Variants in RABL6 observed in about 807,000 individuals in gnomAD.
The protein encoded by RABL6 is RAB, member RAS oncogene family like 6, also known as rab-like protein 6.
RABL6 carries 28 observed loss-of-function variants against 72.9 expected under a neutral mutation model. That is an observed-to-expected ratio of 0.38 (90% CI 0.28 to 0.53). The LOEUF (loss-of-function observed/expected upper bound fraction) is 0.53, where lower values mean the gene tolerates loss of function less well. Ranked by LOEUF, RABL6 falls within the 20% of genes least tolerant of loss-of-function variation. The probability of loss-of-function intolerance (pLI) is 0.80; values close to 1 mark genes in which losing one functional copy is unlikely to be tolerated. For missense variants in RABL6, 1,029 were observed against 1,008.4 expected, an observed-to-expected ratio of 1.02 and a Z score of -0.28; for synonymous variants, 477 against 421.2, an observed-to-expected ratio of 1.13 and a Z score of -1.62.
At chr9:136,816,200 G>T (rs191134530) in intron 1 of RABL6, among the ~76,000 whole-genome samples, 1 of 152,256 alleles carries the variant, frequency 6.6e-6, no homozygotes, top group Non-Finnish European at 1.5e-5. Flanking sequence ...CACCTCCCTG[G>T]CTCAAGCAAT....
intron 1 of RABL6, chr9:136,810,101 A>G (rs1184280522): frequency 6.6e-6 from 1 of 152,278 alleles, no homozygotes; most frequent in Non-Finnish European, 1.5e-5. Flanking sequence ...GAGTCAAAAT[A>G]ACTGAGTTTA....
intron 1 of RABL6, among the ~76,000 whole-genome samples, chr9:136,820,764 T>A (rs111369518): frequency 1.3e-5 from 2 of 151,994 alleles, no homozygotes; most frequent in Non-Finnish European, 2.9e-5. Context: ...GTAAATGATA[T>A]GAAAAAAATA....
chr9:136,830,287 C>T (rs750052097), intron 5 of RABL6, among the ~76,000 whole-genome samples: 1 of 152,258 alleles, frequency 6.6e-6, no homozygotes, highest in Non-Finnish European at 1.5e-5. Flanking sequence ...ACACTCAGCA[C>T]GCATCAGCAG....
intron 7 of RABL6, chr9:136,834,034 C>G (rs952450325): frequency 1.4e-6 from 2 of 1,469,114 alleles, no homozygotes; most frequent in African/African-American, 2.8e-5. Context: ...GAGCTGGAAG[C>G]GTAGGGCTGA....
intron 1 of RABL6, among the ~76,000 whole-genome samples, chr9:136,822,748 C>T (rs998769388): frequency 6.6e-6 from 1 of 152,202 alleles, no homozygotes; most frequent in Non-Finnish European, 1.5e-5. Context: ...GGCACACACG[C>T]GTTGTGCGTG....
Position 136,840,867 on chromosome 9 carries a change from C to A in RABL6, c.*345C>A. The A allele has an allele frequency of 6.5e-7, 1 of 1,537,580 alleles. No homozygotes were observed. Among genetic ancestry groups the A allele is most frequent in the Non-Finnish European group, 8.8e-7 (1 of 1,140,100 alleles). ...CTGTTTACAGAGGCTGGGCAGGGGCCGCTTGGCTGTGGGGTGTGCGCTGCC... is the reference window on the plus strand; with the variant it reads ...CTGTTTACAGAGGCTGGGCAGGGGCAGCTTGGCTGTGGGGTGTGCGCTGCC... On this transcript the variant is annotated 3_prime_UTR_variant, in exon 15 of 15. Transcript: ENST00000311502.
chr9:136,816,733 G>C (rs917982504), intron 1 of RABL6, among the ~76,000 whole-genome samples: 2 of 139,772 alleles, frequency 1.4e-5, no homozygotes, highest in Non-Finnish European at 3.1e-5. Context: ...AAGGGGGGGG[G>C]GGTAATTTTT....
chr9:136,821,654 C>A, intron 1 of RABL6: 3 of 989,596 alleles, frequency 3.0e-6, no homozygotes, highest in Non-Finnish European at 3.6e-6. Context: ...CGGCCCGTCT[C>A]GGGCCTCCCG....
intron 1 of RABL6, among the ~76,000 whole-genome samples, chr9:136,818,767 AAT>A (rs1224900314): frequency 1.3e-5 from 2 of 151,890 alleles, no homozygotes; most frequent in Non-Finnish European, 2.9e-5. Flanking sequence ...AAAGAAAAGG[AAT>A]AAGCGTTGGT....
rs1213741379 is a variant in RABL6, at chr9:136,831,649, A to G, written c.459-72A>G. 4 of 1,594,338 alleles carry G rather than the reference A, an allele frequency of 2.5e-6. No homozygotes were observed. In the African/African-American group the frequency reaches 5.4e-5, roughly 21 times the overall value. On this transcript the variant is annotated intron_variant, in intron 5 of 14. Coordinates refer to ENST00000311502, the MANE Select transcript of RABL6 (RefSeq NM_024718.5). ...AGCCACCATCCTCGGGCCTGGGCGC[A>G]CAGCACCTTTCCAGGGAGGGACAGG... is the stretch of plus-strand genomic sequence containing the variant.
At chr9:136,831,603 T>C in intron 5 of RABL6, 118 bp from the exon 6 acceptor site, 1 of 1,428,844 alleles carries the variant, frequency 7.0e-7, no homozygotes, top group Non-Finnish European at 9.6e-7. Context: ...TCTGCTGGGT[T>C]GGATGTTGGA....
In RABL6 at chr9:136,808,283, C is replaced by A. The variant is rs1464817624; in HGVS notation, c.87C>A (p.Asn29Lys). ...TCCCCGCCGGGCTGCAGTCCATGAA[C>A]CAGGCGTTGCAGAGGCGCTTCGCCA... ...KNIPAGLQSMNQALQRRFAKG... is the reference protein window; with the variant it reads ...KNIPAGLQSMKQALQRRFAKG... Residue 29 changes from asparagine (N) to lysine (K), a missense_variant, in exon 1 of 15, where the codon AAC (asparagine) becomes AAA (lysine). By Grantham distance (94) the Asn-to-Lys change is moderately conservative. Transcript: ENST00000311502. The A allele has an allele frequency of 6.4e-7, 1 of 1,563,146 alleles. No homozygotes were observed. Among genetic ancestry groups the A allele is most frequent in the Non-Finnish European group, 8.6e-7 (1 of 1,156,260 alleles).
chr9:136,813,301 T>A (rs1848052293), intron 1 of RABL6: 1 of 628,030 alleles, frequency 1.6e-6, no homozygotes, highest in African/African-American at 1.8e-5. Context: ...CCCTTTAGAT[T>A]TGCCATTTTG....
At chr9:136,815,200 T>G (rs1441111718) in intron 1 of RABL6, 1 of 331,636 alleles carries the variant, frequency 3.0e-6, no homozygotes, top group Non-Finnish European at 5.9e-6. Flanking sequence ...CCCCCTTGGC[T>G]GGGGTGTCCC....
chr9:136,816,380 C>T (rs971943235), intron 1 of RABL6, among the ~76,000 whole-genome samples: 1 of 150,794 alleles, frequency 6.6e-6, no homozygotes. Flanking sequence ...GCTGGCATTA[C>T]AGGAGAGAGC....
intron 1 of RABL6, chr9:136,810,036 A>G (rs190075133): frequency 8.5e-5 from 13 of 152,392 alleles, no homozygotes; most frequent in Non-Finnish European, 1.9e-4. Flanking sequence ...AGCTGATTTT[A>G]AATGTGTTAT....
Position 136,808,088 on chromosome 9 carries a change from C to T in RABL6, c.-109C>T, listed in dbSNP as rs1483795609. ...ACCCCGGCCTCTGGCCGCGCCGGCT[C>T]CGGCCTCCGGGGGGGCCGGGGCCGC... On this transcript the variant is annotated 5_prime_UTR_variant, in exon 1 of 15. Transcript: ENST00000311502. 1.8e-5 allele frequency: 22 copies of T among 1,207,196 alleles called. No individual in the cohort carries two copies. Among genetic ancestry groups the T allele is most frequent in the Admixed American group, 4.7e-5 (1 of 21,236 alleles). The allele number at this position is 1,207,196 out of a possible 1,614,324, so 74.8% of individuals were successfully genotyped here. A position where few individuals can be genotyped will look rare whatever the true frequency, so the allele number is the denominator to read the frequency against.
chr9:136,809,652 G>A (rs746714201), intron 1 of RABL6: 26 of 160,112 alleles, frequency 1.6e-4, no homozygotes, highest in Admixed American at 1.3e-4. Flanking sequence ...GTTGATGTCC[G>A]AACCAAGGGC....
Position 136,826,730 on chromosome 9 carries a change from C to T in RABL6, c.313+904C>T, listed in dbSNP as rs565914531. ...GTCTCTGGTGTTAGAGAGGTGGCCA[C>T]CCACCGCCCTATCATTGTCCTCATC... On this transcript the variant is annotated intron_variant, in intron 3 of 14. Coordinates refer to ENST00000311502, the MANE Select transcript of RABL6 (RefSeq NM_024718.5). The surrounding 1 kb of genome is among the most constrained non-coding windows in gnomAD (Gnocchi z 4.9). The T allele has an allele frequency of 1.3e-5, 2 of 152,156 alleles. No individual in the cohort carries two copies. The highest frequency in any genetic ancestry group is 6.6e-5 in the Admixed American group (1 of 15,264). The allele number at this position is 152,156 out of a possible 1,614,324, so 9.4% of individuals were successfully genotyped here.
Sources: allele counts gnomAD v4.1 joint callset (sites outside exome capture counted in the v4.1 genomes callset), GRCh38; gene constraint gnomAD v4.1.1; non-coding constraint Gnocchi (gnomAD v3.1); transcripts MANE v1.5; gene names NCBI Gene and HGNC (gene_info 2026-07-23, HGNC 2026-07-21).